Variants in ARPP21 observed in about 807,000 individuals in gnomAD.
The protein encoded by ARPP21 is cAMP-regulated phosphoprotein 21.
A neutral mutation model predicts 113.2 loss-of-function variants in ARPP21; 69 were observed. That is an observed-to-expected ratio of 0.61 (90% CI 0.50 to 0.74). The LOEUF is 0.74. ARPP21 is among the 30% of genes least tolerant of loss of function. ARPP21 has a pLI of 0.00. For synonymous variants in ARPP21, 368 were observed against 375.5 expected (o/e 0.98, Z 0.23); for missense variants, 1,070 against 1,037.4 (o/e 1.03, Z -0.43).
chr3:35,721,809 G>A lies in ARPP21; in HGVS notation c.1200G>A (p.Arg400=), dbSNP rs2150314474. Residue 400 remains arginine (R), a synonymous_variant, in exon 14 of 21, where the codon AGG becomes AGA. Coordinates refer to ENST00000684406, the MANE Select transcript of ARPP21 (RefSeq NM_001385562.1). The part of the protein sequence containing the change: ...LTRGDSTSST[R]STGKLSKAGS... The stretch of plus-strand genomic sequence containing the variant: ...GGGGTGACAGCACTTCCAGTACTAG[G>A]AGTACCGGGAAGCTGTCCAAAGCAG... 3 of 1,610,250 alleles carry A rather than the reference G, an allele frequency of 1.9e-6. No individual in the cohort carries two copies. Among genetic ancestry groups the A allele is most frequent in the Non-Finnish European group, 8.5e-7 (1 of 1,177,950 alleles).
At chr3:35,684,642 A>AATC in intron 5 of ARPP21, 1 of 985,380 alleles carries the variant, frequency 1.0e-6, no homozygotes, top group Admixed American at 6.2e-5. Context: ...GGGAAAATTG[A>AATC]TTAAGATATC....
chr3:35,672,833 C>T (rs1207808991), intron 1 of ARPP21, among the ~76,000 whole-genome samples: 1 of 152,020 alleles, frequency 6.6e-6, no homozygotes, highest in African/African-American at 2.4e-5. Flanking sequence ...AGGCAGACAG[C>T]TTGCTGTCTT....
At chr3:35,682,926 T>G (rs778170978) in intron 4 of ARPP21, 37 bp downstream of exon 4, 2 of 1,532,874 alleles carry the variant, frequency 1.3e-6, no homozygotes, top group South Asian at 1.2e-5. Context: ...CCTGATATCA[T>G]GGGTATAAAT....
Position 35,793,966 on chromosome 3 carries a change from G to A in ARPP21, c.*8G>A, listed in dbSNP as rs1315565770. ...TGGCAGGTCAAATTCTGAGAGCTCT[G>A]GCTGTGGTACATTTCTTCAGATATT... On this transcript the variant is annotated 3_prime_UTR_variant, in exon 21 of 21. Transcript: ENST00000684406. 6 of 1,609,546 alleles carry A rather than the reference G, an allele frequency of 3.7e-6. No homozygotes were observed. The highest frequency in any genetic ancestry group is 5.1e-6 in the Non-Finnish European group (6 of 1,177,388).
At chr3:35,696,872 C>T (rs73059231) in intron 9 of ARPP21, among the ~76,000 whole-genome samples, 21,803 of 151,398 alleles carry the variant, frequency 0.14, 1,624 homozygotes, top group South Asian at 0.23. Flanking sequence ...TCTCACTTTC[C>T]GATCTTCAGT....
At chr3:35,662,235 G>A (rs1708160010) in intron 1 of ARPP21, among the ~76,000 whole-genome samples, 1 of 152,198 alleles carries the variant, frequency 6.6e-6, no homozygotes, top group Non-Finnish European at 1.5e-5. Context: ...ACTGTATGTA[G>A]TTTTAATACT....
At chr3:35,681,590 C>T (rs1436591651) in intron 2 of ARPP21, 124 bp from the exon 3 acceptor site, 11 of 584,608 alleles carry the variant, frequency 1.9e-5, no homozygotes, top group South Asian at 7.7e-5. Flanking sequence ...GTTTTTTCCC[C>T]CTTTTGTATA....
rs1399353142 is a variant in ARPP21 at position 35,737,453 on chromosome 3, A to G, written c.1644+91A>G. ...GCAGCAGAGAATCAGGGAGAAGCGT[A>G]TATTTTACACTCAAGCCTCACAAAT... On this transcript the variant is annotated intron_variant, in intron 16 of 20. Transcript: ENST00000684406. The G allele has an allele frequency of 6.1e-6, 5 of 826,102 alleles. No individual in the cohort carries two copies. The South Asian group carries it at 6.5e-5, about 11-fold the overall frequency. 51.2% of individuals were successfully genotyped at this position (826,102 alleles called of 1,614,324 possible).
intron 1 of ARPP21, among the ~76,000 whole-genome samples, chr3:35,662,509 G>A (rs1434500909): frequency 6.6e-6 from 1 of 152,166 alleles, no homozygotes; most frequent in Non-Finnish European, 1.5e-5. Flanking sequence ...GGGACAGGGA[G>A]GGGAGCAGGA....
intron 1 of ARPP21, among the ~76,000 whole-genome samples, chr3:35,672,885 G>A (rs2076686358): frequency 6.6e-6 from 1 of 151,960 alleles, no homozygotes; most frequent in Non-Finnish European, 1.5e-5. Flanking sequence ...TTTGATGTGA[G>A]GATAAGATGT....
chr3:35,763,729 G>T (rs1408755169), intron 19 of ARPP21, among the ~76,000 whole-genome samples: 1 of 152,232 alleles, frequency 6.6e-6, no homozygotes, highest in East Asian at 1.9e-4. Flanking sequence ...TCTGGGTAGG[G>T]CCATCCTACA....
chr3:35,707,099 G>C lies in ARPP21; in HGVS notation c.795+17G>C. 2 of 1,579,256 alleles carry C rather than the reference G, an allele frequency of 1.3e-6. No individual in the cohort carries two copies. Among genetic ancestry groups the C allele is most frequent in the Admixed American group, 1.7e-5 (1 of 59,178 alleles). On this transcript the variant is annotated intron_variant, in intron 10 of 20. Coordinates refer to ENST00000684406, the MANE Select transcript of ARPP21 (RefSeq NM_001385562.1). ...GACAATCAGGTTGGTTCTCAAGTTT[G>C]AGAGTGGCTGACATTGTTGTTTTTG...
intron 19 of ARPP21, among the ~76,000 whole-genome samples, chr3:35,775,758 G>A (rs2096344221): frequency 6.6e-6 from 1 of 152,028 alleles, no homozygotes; most frequent in Admixed American, 6.6e-5. Flanking sequence ...TATAGAGACA[G>A]AAAATAGTGA....
chr3:35,780,404 A>C (rs1214884678), intron 19 of ARPP21, among the ~76,000 whole-genome samples: 1 of 152,170 alleles, frequency 6.6e-6, no homozygotes, highest in Admixed American at 6.5e-5. Flanking sequence ...TATATTGGTT[A>C]TTGCCAGAGG....
chr3:35,739,269 T>A (rs1321191842), intron 17 of ARPP21, 48 bp from the exon 18 acceptor site: 1 of 1,590,142 alleles, frequency 6.3e-7, no homozygotes, highest in Non-Finnish European at 8.6e-7. Flanking sequence ...CCTCTCTTAT[T>A]ACCAAGCTGA....
At position 35,738,257 on chromosome 3, in the gene ARPP21, C is replaced by T. The variant is rs1274105958; in HGVS notation, c.1688C>T (p.Pro563Leu). 4 of 1,536,356 alleles carry T rather than the reference C, an allele frequency of 2.6e-6. No individual in the cohort carries two copies. The highest frequency in any genetic ancestry group is 3.5e-6 in the Non-Finnish European group (4 of 1,146,864). The change falls in exon 17 of 21, where the codon CCA (proline) becomes CTA (leucine). Residue 563 changes from proline (P) to leucine (L), a missense_variant. By Grantham distance (98) the Pro-to-Leu change is moderately conservative. Transcript: ENST00000684406. Reference protein sequence around the residue: ...LQASSQSVQYPAVSFPPQHLL... With the variant: ...LQASSQSVQYLAVSFPPQHLL... Reference sequence around the variant, plus strand: ...GCTTCCTCCCAGTCAGTGCAATATCCAGCAGTCTCTTTTCCTCCCCAGCAC... The same window carrying T: ...GCTTCCTCCCAGTCAGTGCAATATCTAGCAGTCTCTTTTCCTCCCCAGCAC...
chr3:35,657,102 G>A (rs1015890414), intron 1 of ARPP21, among the ~76,000 whole-genome samples: 6 of 151,922 alleles, frequency 3.9e-5, no homozygotes, highest in South Asian at 2.1e-4. Flanking sequence ...TTTCTCATTC[G>A]GTATTTTTCT....
Position 35,744,406 on chromosome 3 carries a change from G to A in ARPP21, c.2137+441G>A, listed in dbSNP as rs372630250. On this transcript the variant is annotated intron_variant, in intron 19 of 20. Transcript: ENST00000684406. ...GGCTATTGACAATCCAGCGTGTCTC[G>A]GTGGAACTCTGACTCCATGGTTCAC... is the stretch of plus-strand genomic sequence containing the variant. 3.0e-4 allele frequency: 143 copies of A among 477,896 alleles called. 1 individual carries two copies. Among genetic ancestry groups the A allele is most frequent in the South Asian group, 1.1e-3 (68 of 62,680 alleles). 29.6% of individuals were successfully genotyped at this position (477,896 alleles called of 1,614,324 possible).
chr3:35,768,205 A>G (rs1021013241), intron 19 of ARPP21, among the ~76,000 whole-genome samples: 2 of 151,224 alleles, frequency 1.3e-5, no homozygotes, highest in African/African-American at 4.9e-5. Context: ...CCACTGTTTT[A>G]AGTAGATAGA....
Sources: allele counts gnomAD v4.1 joint callset (sites outside exome capture counted in the v4.1 genomes callset), GRCh38; gene constraint gnomAD v4.1.1; transcripts MANE v1.5; gene names NCBI Gene and HGNC (gene_info 2026-07-23, HGNC 2026-07-21).